The following NOTCH1 variants were observed in gnomAD, a reference collection of about 807,000 sequenced individuals.
NOTCH1 encodes the protein neurogenic locus notch homolog protein 1.
A neutral mutation model predicts 254.8 loss-of-function variants in NOTCH1; 37 were observed. The ratio of observed to expected loss-of-function variants is 0.15; its 90% CI spans 0.11 to 0.19. NOTCH1 has a LOEUF of 0.19. Among genes scored for constraint, NOTCH1 ranks in the 10% least tolerant of loss-of-function variants. The pLI is 1.00. For synonymous variants in NOTCH1, 1,731 were observed against 1,618.1 expected (o/e 1.07, Z -1.68); for missense variants, 2,972 against 3,708.6 (o/e 0.80, Z 5.16).
chr9:136,496,092 G>T lies in NOTCH1; in HGVS notation c.7647C>A (p.Arg2549=). Residue 2549 remains arginine, a synonymous_variant, in exon 34 of 34, where the codon CGC becomes CGA. Coordinates refer to ENST00000651671, the MANE Select transcript of NOTCH1 (RefSeq NM_017617.5). ...PPTSMQSQIA[R]IPEAFK is the part of the protein sequence containing the mutation. ...CCGTTTACTTGAAGGCCTCCGGAATGCGGGCGATCTGGGACTGCATGCTGG... is the reference window on the plus strand; with the variant it reads ...CCGTTTACTTGAAGGCCTCCGGAATTCGGGCGATCTGGGACTGCATGCTGG... 1 of 1,606,636 alleles carries T rather than the reference G, an allele frequency of 6.2e-7. No individual in the cohort carries two copies.
chr9:136,503,607 T>G (rs1044044968), intron 26 of NOTCH1, among the ~76,000 whole-genome samples: 5 of 152,132 alleles, frequency 3.3e-5, no homozygotes, highest in Non-Finnish European at 5.9e-5. Flanking sequence ...CTCCTGCTGG[T>G]GCCACAGACA....
intron 2 of NOTCH1, among the ~76,000 whole-genome samples, chr9:136,535,509 GGAGT>G (rs1843633933): frequency 1.7e-5 from 1 of 57,844 alleles, no homozygotes; most frequent in African/African-American, 9.0e-5. Flanking sequence ...GTGCAGGGTG[GGAGT>G]GGGTGGAGGG....
chr9:136,500,215 G>A (rs901632062), intron 31 of NOTCH1, among the ~76,000 whole-genome samples: 12 of 152,204 alleles, frequency 7.9e-5, no homozygotes, highest in African/African-American at 1.9e-4. Flanking sequence ...GCGGGGCTGC[G>A]AGGGGCTGCA....
intron 18 of NOTCH1, among the ~76,000 whole-genome samples, chr9:136,509,410 T>C (rs1843141895): frequency 6.6e-6 from 1 of 152,222 alleles, no homozygotes; most frequent in Non-Finnish European, 1.5e-5. Context: ...GGGACGAGAC[T>C]GACGTTTACC....
rs1352111936 is a variant in NOTCH1 at position 136,505,624 on chromosome 9, C to T, written c.4272G>A (p.Leu1424=). The T allele has an allele frequency of 2.1e-5, 34 of 1,612,036 alleles. No individual in the cohort carries two copies. Among genetic ancestry groups the T allele is most frequent in the Middle Eastern group, 1.6e-4 (1 of 6,082 alleles). ...CLCPAKFNGL[L]CHILDYSFGG... ...CGAAGCTGTAGTCCAGGATGTGGCA[C>T]AAGAGCCCGTTGAATTTGGCGGGGC... is the stretch of plus-strand genomic sequence containing the variant. Residue 1424 remains leucine (L), a synonymous_variant, in exon 25 of 34, where the codon TTG becomes TTA. Coordinates refer to ENST00000651671, the MANE Select transcript of NOTCH1 (RefSeq NM_017617.5).
chr9:136,542,030 C>A (rs1318545215), intron 2 of NOTCH1, among the ~76,000 whole-genome samples: 3 of 152,256 alleles, frequency 2.0e-5, no homozygotes, highest in African/African-American at 7.2e-5. Flanking sequence ...AAACAGCTCA[C>A]CGGGATCCCA....
rs575836415 is a variant in NOTCH1 at position 136,506,991 on chromosome 9, G to A, written c.3644-18C>T. 35 of 1,569,870 alleles carry A rather than the reference G, an allele frequency of 2.2e-5. 1 individual carries two copies. The highest frequency in any genetic ancestry group is 1.2e-4 in the African/African-American group (9 of 73,662). Reference sequence around the variant, plus strand: ...GTGCACACCTGCGGGGCCAGGTTTCGTCAGTGGCCCAAGCCCGCCACACCC... The same window carrying A: ...GTGCACACCTGCGGGGCCAGGTTTCATCAGTGGCCCAAGCCCGCCACACCC... On this transcript the variant is annotated intron_variant, in intron 22 of 33. Coordinates refer to ENST00000651671, the MANE Select transcript of NOTCH1 (RefSeq NM_017617.5). This position sits in a 1 kb window ranked among gnomAD's most constrained non-coding sequence, Gnocchi z 4.5.
chr9:136,510,415 C>T (rs970651499), intron 17 of NOTCH1: 1 of 609,236 alleles, frequency 1.6e-6, no homozygotes, highest in Non-Finnish European at 2.9e-6. Flanking sequence ...AGTGAAGAGC[C>T]GTGGGAGGGG....
chr9:136,497,263 C>G lies in NOTCH1; in HGVS notation c.6476G>C (p.Arg2159Pro), dbSNP rs1060502233. 6.2e-7 allele frequency: 1 copy of G among 1,611,306 alleles called. No individual in the cohort carries two copies. The highest frequency in any genetic ancestry group is 8.5e-7 in the Non-Finnish European group (1 of 1,179,902). The change falls in exon 34 of 34, where the codon CGC becomes CCC. Residue 2159 changes from arginine (R) to proline (P), a missense_variant. Arg to Pro is a moderately radical substitution (Grantham distance 103). This residue lies in a region of NOTCH1 where 529 missense variants were observed against 529.2 expected (regional missense o/e 1.00). Coordinates refer to ENST00000651671, the MANE Select transcript of NOTCH1 (RefSeq NM_017617.5). ...LKPGVQGKKVRKPSSKGLACG... is the reference protein window; with the variant it reads ...LKPGVQGKKVPKPSSKGLACG... ...GGCCAGGCCTTTGCTGCTGGGCTTG[C>G]GGACCTTCTTGCCCTGCACGCCGGG...
In NOTCH1 at chr9:136,519,571, G is replaced by T; in HGVS notation, c.743-6C>A. ...ACAGTTCTGGCCGGTGAAGCCTGCC[G>T]CAAGAGGGGCCGGGTCAGCCTCTTC... On this transcript the variant is annotated splice_polypyrimidine_tract_variant and splice_region_variant and intron_variant, in intron 4 of 33. Coordinates refer to ENST00000651671, the MANE Select transcript of NOTCH1 (RefSeq NM_017617.5). 1 of 1,612,666 alleles carries T rather than the reference G, an allele frequency of 6.2e-7. No individual in the cohort carries two copies. Among genetic ancestry groups the T allele is most frequent in the Non-Finnish European group, 8.5e-7 (1 of 1,179,870 alleles).
intron 2 of NOTCH1, among the ~76,000 whole-genome samples, chr9:136,535,405 G>A (rs375853007): frequency 1.3e-5 from 2 of 152,008 alleles, no homozygotes; most frequent in East Asian, 1.9e-4. Flanking sequence ...TGAGTGGGGG[G>A]TTCAGAGGTG....
intron 18 of NOTCH1, 68 bp downstream of exon 18, chr9:136,509,665 G>T: frequency 1.4e-6 from 2 of 1,445,602 alleles, no homozygotes; most frequent in Non-Finnish European, 9.7e-7. Context: ...GGTGTGCCAG[G>T]CTGCCAGCTA....
At chr9:136,542,415 G>A (rs575017365) in intron 2 of NOTCH1, among the ~76,000 whole-genome samples, 57 of 151,900 alleles carry the variant, frequency 3.8e-4, no homozygotes, top group Non-Finnish European at 6.9e-4. Flanking sequence ...GCATTAATCC[G>A]CCTCCCCCAA....
chr9:136,495,868 G>T lies in NOTCH1; in HGVS notation c.*203C>A. 1.6e-6 allele frequency: 1 copy of T among 606,074 alleles called. No homozygotes were observed. The highest frequency in any genetic ancestry group is 2.8e-6 in the Non-Finnish European group (1 of 360,072). The allele number at this position is 606,074 out of a possible 1,614,324, so 37.5% of individuals were successfully genotyped here. ...TTTCTACCTGGGGCCAGATAAAACA[G>T]TACATATAAATAAAAAGGCAGTGTT... is the stretch of plus-strand genomic sequence containing the variant. On this transcript the variant is annotated 3_prime_UTR_variant, in exon 34 of 34. Transcript: ENST00000651671.
intron 2 of NOTCH1, among the ~76,000 whole-genome samples, chr9:136,536,959 C>T (rs543735828): frequency 1.3e-5 from 2 of 152,236 alleles, no homozygotes; most frequent in African/African-American, 4.8e-5. Flanking sequence ...CTCCTGGGGG[C>T]TAAGGGATGC....
In NOTCH1 at chr9:136,506,108, C is replaced by T. The variant is rs1843081130; in HGVS notation, c.4015-227G>A. On this transcript the variant is annotated intron_variant, in intron 24 of 33. Coordinates refer to ENST00000651671, the MANE Select transcript of NOTCH1 (RefSeq NM_017617.5). The surrounding 1 kb of genome is among the most constrained non-coding windows in gnomAD (Gnocchi z 4.5). ...GAGGAAGGGGTAAACTGGTGGAGTG[C>T]TGAGGACTTTAGGGCAGGGACTCTC... Among the ~76,000 whole-genome samples the T allele has an allele frequency of 6.6e-6, 1 of 152,134 alleles. No homozygotes were observed. The highest frequency in any genetic ancestry group is 2.1e-4 in the South Asian group (1 of 4,836).
chr9:136,537,896 C>A (rs1034662536), intron 2 of NOTCH1, among the ~76,000 whole-genome samples: 2 of 152,122 alleles, frequency 1.3e-5, no homozygotes, highest in Non-Finnish European at 2.9e-5. Context: ...AGTTTGAGAC[C>A]AGCCTGACCA....
chr9:136,529,066 C>T (rs528732250), intron 2 of NOTCH1, among the ~76,000 whole-genome samples: 2 of 152,308 alleles, frequency 1.3e-5, no homozygotes, highest in African/African-American at 4.8e-5. Context: ...CACGCCCTCC[C>T]CAGACCCAGA....
chr9:136,535,314 G>A lies in NOTCH1; in HGVS notation c.140+8710C>T, dbSNP rs372242081. Reference sequence around the variant, plus strand: ...CCGCTTTGCATTAGGCAGGGCGTGCGGAGAGGGCCCTGTTTAACCGTGCGG... The same window carrying A: ...CCGCTTTGCATTAGGCAGGGCGTGCAGAGAGGGCCCTGTTTAACCGTGCGG... On this transcript the variant is annotated intron_variant, in intron 2 of 33. Coordinates refer to ENST00000651671, the MANE Select transcript of NOTCH1 (RefSeq NM_017617.5). Among the ~76,000 whole-genome samples the A allele has an allele frequency of 4.6e-5, 7 of 152,174 alleles. No individual in the cohort carries two copies. The East Asian group carries it at 1.2e-3, about 26-fold the overall frequency.
Sources: allele counts gnomAD v4.1 joint callset (sites outside exome capture counted in the v4.1 genomes callset), GRCh38; gene constraint gnomAD v4.1.1; regional missense constraint gnomAD v4.1.1; non-coding constraint Gnocchi (gnomAD v3.1); transcripts MANE v1.5; gene names NCBI Gene and HGNC (gene_info 2026-07-23, HGNC 2026-07-21).